The following TMEM114 variants were observed in gnomAD, a reference collection of about 807,000 sequenced individuals.
TMEM114 encodes transmembrane protein 114.
TMEM114 carries 6 observed loss-of-function variants against 6.2 expected under a neutral mutation model. The ratio of observed to expected loss-of-function variants is 0.97; its 90% confidence interval spans 0.53 to 1.91. The LOEUF is 1.91. Ranked by LOEUF, TMEM114 falls within the 40% of genes most tolerant of loss-of-function variation. TMEM114 has a pLI of 0.01. For missense variants in TMEM114, 218 were observed against 158.3 expected (o/e 1.38, Z -2.02); for synonymous variants, 104 against 73.0 (o/e 1.42, Z -2.16).
chr16:8,575,018 C>G (rs1901871183), intron 2 of TMEM114, among the ~76,000 whole-genome samples: 1 of 152,178 alleles, frequency 6.6e-6, no homozygotes, highest in Non-Finnish European at 1.5e-5. Flanking sequence ...AGCCACATCT[C>G]TGAATGCACT....
At chr16:8,557,565 C>A (rs763288558) in intron 2 of TMEM114, among the ~76,000 whole-genome samples, 22 of 152,286 alleles carry the variant, frequency 1.4e-4, no homozygotes, top group Admixed American at 3.3e-4. Flanking sequence ...CTAGTTTTGG[C>A]CACTACATCT....
chr16:8,537,802 C>T (rs951749103), exon 3 of TMEM114: 2 of 152,100 alleles, frequency 1.3e-5, no homozygotes, highest in Admixed American at 6.5e-5. Context: ...TCACCATTGA[C>T]ATCCATGGAG....
chr16:8,569,760 C>CGCTG lies in TMEM114; in HGVS notation c.*12_*13insCAGC. ...CAAGCCCCTCCCTCCCCTCCACGAC[C>CGCTG]CAGCGCCCAGGCTCATATGGCCTGG... On this transcript the variant is annotated 3_prime_UTR_variant, in exon 4 of 4. Transcript: ENST00000620492. 1 of 1,545,016 alleles carries CGCTG rather than the reference C, an allele frequency of 6.5e-7. No individual in the cohort carries two copies. The highest frequency in any genetic ancestry group is 8.7e-7 in the Non-Finnish European group (1 of 1,142,942).
At chr16:8,549,496 G>A (rs1239410386) in intron 2 of TMEM114, among the ~76,000 whole-genome samples, 5 of 118,468 alleles carry the variant, frequency 4.2e-5, no homozygotes, top group East Asian at 5.0e-4. Flanking sequence ...GCAAAACTCC[G>A]TCTCGAAAAA....
intron 2 of TMEM114, among the ~76,000 whole-genome samples, chr16:8,539,786 A>T (rs1394230233): frequency 2.0e-5 from 3 of 152,222 alleles, no homozygotes; most frequent in Non-Finnish European, 4.4e-5. Flanking sequence ...AAGTAACTTT[A>T]AAAAATTACA....
At chr16:8,538,490 T>G (rs1254112732) in intron 2 of TMEM114, among the ~76,000 whole-genome samples, 2 of 148,936 alleles carry the variant, frequency 1.3e-5, no homozygotes, top group Admixed American at 6.6e-5. Context: ...TGTGCTGTGG[T>G]TTTTTTGTTT....
chr16:8,566,736 C>G (rs368951523), downstream of TMEM114, among the ~76,000 whole-genome samples: 54 of 152,274 alleles, frequency 3.5e-4, no homozygotes, highest in African/African-American at 1.1e-3. Flanking sequence ...CTTCCCACCT[C>G]AGGGCCTTTG....
At chr16:8,571,970 G>A (rs1596309611) in intron 3 of TMEM114, 117 bp downstream of exon 3, 1 of 1,276,880 alleles carries the variant, frequency 7.8e-7, no homozygotes, top group Non-Finnish European at 1.0e-6. Context: ...TCCCAGAAGG[G>A]GAAACTGAAC....
downstream of TMEM114, among the ~76,000 whole-genome samples, chr16:8,566,620 C>T (rs12922610): frequency 6.6e-6 from 1 of 150,746 alleles, no homozygotes; most frequent in Non-Finnish European, 1.5e-5. Context: ...CTCCTTACCA[C>T]GGGCCATGGG....
At chr16:8,549,941 C>G (rs554585345) in intron 2 of TMEM114, among the ~76,000 whole-genome samples, 1 of 152,124 alleles carries the variant, frequency 6.6e-6, no homozygotes, top group East Asian at 1.9e-4. Context: ...TGGCTCAGTC[C>G]GAGTCCCAAA....
intron 2 of TMEM114, among the ~76,000 whole-genome samples, chr16:8,550,290 A>T (rs1333802743): frequency 6.6e-6 from 1 of 152,262 alleles, no homozygotes; most frequent in East Asian, 1.9e-4. Flanking sequence ...TACATCCAGA[A>T]ACAATACTTT....
At chr16:8,586,958 A>G (rs1902341578) in intron 2 of TMEM114, among the ~76,000 whole-genome samples, 3 of 152,088 alleles carry the variant, frequency 2.0e-5, no homozygotes. Flanking sequence ...CTTTGGTGGA[A>G]CTTAACTCAG....
rs192048257 is a variant in TMEM114 at position 8,550,170 on chromosome 16, G to A, written n.213-12344C>T. Among the ~76,000 whole-genome samples the A allele has an allele frequency of 7.9e-5, 12 of 152,306 alleles. No homozygotes were observed. The South Asian group carries it at 1.5e-3, about 18-fold the overall frequency. ...CATCTTCTGCCTGCTTTTTCTAGCC[G>A]TGCTGGCAGCTAATTGGATGGTGTT... On this transcript the variant is annotated intron_variant and non_coding_transcript_variant, in intron 2 of 2. Coordinates refer to the TMEM114 transcript ENST00000623677.
At chr16:8,536,338 C>T (rs371554804), downstream of TMEM114, among the ~76,000 whole-genome samples, 177 of 152,102 alleles carry the variant, frequency 1.2e-3, 8 homozygotes, top group South Asian at 0.035. Context: ...TTTGAAAGCT[C>T]TTCATATAAT....
chr16:8,541,596 A>G (rs1336679605), intron 2 of TMEM114, among the ~76,000 whole-genome samples: 1 of 152,204 alleles, frequency 6.6e-6, no homozygotes, highest in African/African-American at 2.4e-5. Context: ...CATCTTCAAT[A>G]TATTTGACAT....
At chr16:8,545,468 A>G (rs1900637519) in intron 2 of TMEM114, among the ~76,000 whole-genome samples, 1 of 152,118 alleles carries the variant, frequency 6.6e-6, no homozygotes, top group Non-Finnish European at 1.5e-5. Flanking sequence ...CATCATCACC[A>G]TCATCACCAT....
chr16:8,527,770 T>C, the TMEM114 span, among the ~76,000 whole-genome samples: 5 of 152,152 alleles, frequency 3.3e-5, no homozygotes, highest in Admixed American at 3.3e-4. Flanking sequence ...GAGGATCCGA[T>C]TCTAAATCCA....
Position 8,555,164 on chromosome 16 carries a change from T to G in TMEM114, n.213-17338A>C, listed in dbSNP as rs1371842215. On this transcript the variant is annotated intron_variant and non_coding_transcript_variant, in intron 2 of 2. Coordinates refer to the TMEM114 transcript ENST00000623677. The stretch of plus-strand genomic sequence containing the variant: ...TTTCCTGAGCTCTTCTCTCTTCACA[T>G]GTGATGCTGACTTTCTGAGCACCTC... Among the ~76,000 whole-genome samples, 8 of 152,336 alleles carry G rather than the reference T, an allele frequency of 5.3e-5. No individual in the cohort carries two copies. In the East Asian group the frequency reaches 1.4e-3, roughly 26 times the overall value.
chr16:8,547,683 A>G (rs2085777626), intron 2 of TMEM114, among the ~76,000 whole-genome samples: 1 of 151,900 alleles, frequency 6.6e-6, no homozygotes, highest in Admixed American at 6.6e-5. Context: ...GAGCCACCGC[A>G]CCCAGCCAGC....
Sources: gnomAD v4.1 joint callset for allele counts (sites outside exome capture counted in the v4.1 genomes callset) on GRCh38, gnomAD v4.1.1 for gene constraint, MANE v1.5 for transcripts, NCBI Gene and HGNC (gene_info 2026-07-23, HGNC 2026-07-21) for gene names.